KIF1B: variants seen among roughly 807,000 people sequenced by gnomAD.
KIF1B encodes the protein kinesin family member 1B.
A neutral mutation model predicts 241.9 loss-of-function variants in KIF1B; 76 were observed. That is an observed-to-expected ratio of 0.31 (90% confidence interval 0.26 to 0.38). The LOEUF (loss-of-function observed/expected upper bound fraction) is 0.38. Among genes scored for constraint, KIF1B ranks in the 10% least tolerant of loss-of-function variants. KIF1B has a pLI of 1.00. For synonymous variants in KIF1B, 750 were observed against 796.7 expected, an observed-to-expected ratio of 0.94 and a Z score of 0.99; for missense variants, 1,622 against 2,271.4, an observed-to-expected ratio of 0.71 and a Z score of 5.81.
intron 22 of KIF1B, chr1:10,304,002 G>A: frequency 6.2e-7 from 1 of 1,607,424 alleles, no homozygotes; most frequent in Non-Finnish European, 8.5e-7. Flanking sequence ...AGATAACAAA[G>A]CAGCTTCGTC....
chr1:10,333,651 C>T (rs1011122804), intron 27 of KIF1B, among the ~76,000 whole-genome samples: 1 of 151,968 alleles, frequency 6.6e-6, no homozygotes, highest in Non-Finnish European at 1.5e-5. Context: ...GAGACTGCAC[C>T]ACTGCATTCC....
chr1:10,314,569 T>C (rs1651220301), intron 22 of KIF1B, among the ~76,000 whole-genome samples: 1 of 151,232 alleles, frequency 6.6e-6, no homozygotes, highest in South Asian at 2.1e-4. Context: ...ACATATGCCC[T>C]CCACTAAGTC....
chr1:10,281,477 T>C (rs1485108474), intron 14 of KIF1B, among the ~76,000 whole-genome samples: 1 of 152,174 alleles, frequency 6.6e-6, no homozygotes, highest in Non-Finnish European at 1.5e-5. Context: ...TGGAAGTATG[T>C]TCCTAAAACT....
chr1:10,346,614 C>T (rs1315370845), intron 35 of KIF1B, among the ~76,000 whole-genome samples: 3 of 152,142 alleles, frequency 2.0e-5, no homozygotes, highest in Non-Finnish European at 4.4e-5. Flanking sequence ...ATCCACCCGC[C>T]TCAGCCTCCC....
chr1:10,306,119 ACTTT>A, intron 22 of KIF1B: 1 of 1,041,386 alleles, frequency 9.6e-7, no homozygotes, highest in Non-Finnish European at 1.2e-6. Flanking sequence ...CTAAGAAAAT[ACTTT>A]CTTAATGCTC....
At chr1:10,308,041 A>G (rs17401588) in intron 22 of KIF1B, 129,082 of 1,058,560 alleles carry the variant, frequency 0.12, 8,228 homozygotes, top group South Asian at 0.19. Flanking sequence ...AAAACAAAAC[A>G]CTGAATTTTT....
chr1:10,306,231 G>A (rs1190288937), intron 22 of KIF1B: 1 of 1,042,008 alleles, frequency 9.6e-7, no homozygotes, highest in Admixed American at 5.6e-5. Context: ...GTCTTCAACT[G>A]AGGTTTTATA....
intron 1 of KIF1B, among the ~76,000 whole-genome samples, chr1:10,231,984 G>A (rs1571107913): frequency 6.6e-6 from 1 of 152,128 alleles, no homozygotes; most frequent in South Asian, 2.1e-4. Context: ...GCCAGGCACA[G>A]TGGTGTGTGC....
intron 2 of KIF1B, among the ~76,000 whole-genome samples, chr1:10,237,892 G>A (rs980948933): frequency 2.6e-5 from 4 of 151,110 alleles, no homozygotes; most frequent in Non-Finnish European, 4.4e-5. Context: ...ACCTGTAGTC[G>A]TAGCTACTAG....
intron 15 of KIF1B, among the ~76,000 whole-genome samples, chr1:10,282,877 A>G (rs1294878180): frequency 6.6e-6 from 1 of 152,174 alleles, no homozygotes; most frequent in East Asian, 1.9e-4. Flanking sequence ...TCATTGAAAG[A>G]TGGAATTCTG....
chr1:10,345,159 AAAG>A (rs986390624), intron 34 of KIF1B, among the ~76,000 whole-genome samples: 4 of 152,248 alleles, frequency 2.6e-5, no homozygotes, highest in Admixed American at 6.5e-5. Flanking sequence ...ACGCCATAAA[AAAG>A]AAAAAAAAGC....
intron 1 of KIF1B, 112 bp from the exon 2 acceptor site, chr1:10,232,138 G>A (rs1392224933): frequency 1.8e-6 from 1 of 564,444 alleles, no homozygotes; most frequent in Non-Finnish European, 3.2e-6. Flanking sequence ...GATGAATATC[G>A]TTTTTATAAA....
At position 10,264,669 on chromosome 1, in the gene KIF1B, CT is replaced by C. The variant is rs1257209039; in HGVS notation, c.430-2702del. On this transcript the variant is annotated intron_variant, in intron 5 of 48. Coordinates refer to ENST00000676179, the MANE Select transcript of KIF1B (RefSeq NM_001365951.3). ...TAATTACTTTATCTTTCAGAGTTGT[CT>C]TTTTTTTTGGAGACAGAGTCTCACT... 2.0e-5 allele frequency among the ~76,000 whole-genome samples: 3 copies of C among 150,802 alleles called. No individual in the cohort carries two copies. The Admixed American group carries it at 2.0e-4, about 10-fold the overall frequency.
At chr1:10,227,491 A>G (rs1646925193) in intron 1 of KIF1B, among the ~76,000 whole-genome samples, 1 of 152,232 alleles carries the variant, frequency 6.6e-6, no homozygotes, top group Admixed American at 6.5e-5. Flanking sequence ...TATGTCTTCT[A>G]AACTGGTAGT....
At chr1:10,367,954 C>T (rs1490827115) in intron 43 of KIF1B, among the ~76,000 whole-genome samples, 1 of 152,048 alleles carries the variant, frequency 6.6e-6, no homozygotes, top group Non-Finnish European at 1.5e-5. Flanking sequence ...ATCTCGATCT[C>T]CTGACCTCGT....
intron 22 of KIF1B, chr1:10,304,212 T>C (rs1569776684): frequency 6.2e-7 from 1 of 1,613,752 alleles, no homozygotes; most frequent in Non-Finnish European, 8.5e-7. Context: ...AAAAAGGGGG[T>C]AAAGGAGCTT....
chr1:10,272,146 T>TA, intron 8 of KIF1B, 95 bp from the exon 9 acceptor site: 1 of 848,268 alleles, frequency 1.2e-6, no homozygotes, highest in South Asian at 1.4e-5. Context: ...AATAAAGAAA[T>TA]ATGCTAGCAT....
intron 37 of KIF1B, among the ~76,000 whole-genome samples, chr1:10,350,391 CT>C (rs1465851050): frequency 6.6e-6 from 1 of 151,846 alleles, no homozygotes; most frequent in Non-Finnish European, 1.5e-5. Flanking sequence ...AACCCCGTCT[CT>C]ACTAAAAATA....
At chr1:10,314,770 T>G (rs2102287108) in intron 22 of KIF1B, among the ~76,000 whole-genome samples, 1 of 151,716 alleles carries the variant, frequency 6.6e-6, no homozygotes, top group Non-Finnish European at 1.5e-5. Flanking sequence ...TTCATGTTAG[T>G]TTTGGTTACT....
Sources: gnomAD v4.1 joint callset for allele counts (sites outside exome capture counted in the v4.1 genomes callset) on GRCh38, gnomAD v4.1.1 for gene constraint, MANE v1.5 for transcripts, NCBI Gene and HGNC (gene_info 2026-07-23, HGNC 2026-07-21) for gene names.